The following PHIP variants were observed in gnomAD, a reference collection of about 807,000 sequenced individuals.
The protein encoded by PHIP is PHIP subunit of CUL4-Ring ligase complex.
Under a neutral mutation model 236.8 loss-of-function variants are expected in PHIP, and 54 were observed. That is an observed-to-expected ratio of 0.23 (90% CI 0.18 to 0.29). The LOEUF (loss-of-function observed/expected upper bound fraction) is 0.29. Ranked by LOEUF, PHIP falls within the 10% of genes least tolerant of loss-of-function variation. The pLI, the probability that PHIP is intolerant of heterozygous loss-of-function variation, is 1.00. For synonymous variants in PHIP, 756 were observed against 718.9 expected (o/e 1.05, Z -0.83); for missense variants, 1,370 against 2,190.8 (o/e 0.63, Z 7.48).
At chr6:78,962,627 T>C (rs1766858259) in intron 30 of PHIP, among the ~76,000 whole-genome samples, 1 of 152,072 alleles carries the variant, frequency 6.6e-6, no homozygotes. Context: ...ATAATCAAGT[T>C]TTGTGGTCAC....
chr6:78,946,513 T>C (rs1773828760), intron 37 of PHIP, 198 bp downstream of exon 37: 2 of 1,388,302 alleles, frequency 1.4e-6, no homozygotes, highest in Middle Eastern at 2.7e-4. Context: ...TGTATAGATT[T>C]AGCAGTTTGA....
intron 31 of PHIP, among the ~76,000 whole-genome samples, chr6:78,960,518 G>A (rs1270200200): frequency 6.6e-6 from 1 of 151,638 alleles, no homozygotes; most frequent in East Asian, 1.9e-4. Context: ...AATGCTTTGA[G>A]GGTGGGATGG....
At chr6:78,968,958 G>A (rs1767338951) in intron 27 of PHIP, among the ~76,000 whole-genome samples, 1 of 152,160 alleles carries the variant, frequency 6.6e-6, no homozygotes. Flanking sequence ...GGCTTCTACT[G>A]AATATTATTT....
rs199510464 is a variant in PHIP at position 78,945,382 on chromosome 6, T to G, written c.4746A>C (p.Glu1582Asp). 1 of 1,613,720 alleles carries G rather than the reference T, an allele frequency of 6.2e-7. No homozygotes were observed. The highest frequency in any genetic ancestry group is 1.1e-5 in the South Asian group (1 of 91,072). ...ACTTCATTTTACGTTTGACTGGCTT[T>G]TCCTTTTCCATGTTTTCTTTTGCAG... ...NNSAKENMEK[E>D]KPVKRKMKSS... The change falls in exon 39 of 40, where the codon GAA becomes GAC. Residue 1582 changes from glutamate to aspartate, a missense_variant. Glu to Asp is a conservative substitution (Grantham distance 45). Coordinates refer to ENST00000275034, the MANE Select transcript of PHIP (RefSeq NM_017934.7).
intron 21 of PHIP, among the ~76,000 whole-genome samples, 167 bp from the exon 22 acceptor site, chr6:78,985,595 CT>C (rs1243233500): frequency 1.3e-5 from 2 of 152,124 alleles, no homozygotes; most frequent in Non-Finnish European, 2.9e-5. Flanking sequence ...AATCCCAACA[CT>C]TTGAGAGGTC....
chr6:78,987,607 G>A (rs1056200007), intron 21 of PHIP, among the ~76,000 whole-genome samples: 4 of 152,104 alleles, frequency 2.6e-5, no homozygotes, highest in Non-Finnish European at 5.9e-5. Context: ...AAGGTGATGG[G>A]AAAGGTTGAG....
intron 19 of PHIP, among the ~76,000 whole-genome samples, chr6:78,994,000 A>G (rs1454899750): frequency 1.3e-5 from 2 of 152,246 alleles, no homozygotes; most frequent in African/African-American, 2.4e-5. Flanking sequence ...GAGGAAAAGT[A>G]TCACTGTTAA....
intron 6 of PHIP, among the ~76,000 whole-genome samples, chr6:79,050,027 G>T (rs953303486): frequency 5.3e-5 from 8 of 152,054 alleles, no homozygotes; most frequent in Admixed American, 5.2e-4. Flanking sequence ...TTAAAGCCAG[G>T]CATCAAACCC....
chr6:78,987,764 C>T (rs1019628062), intron 21 of PHIP, among the ~76,000 whole-genome samples: 1 of 152,112 alleles, frequency 6.6e-6, no homozygotes, highest in African/African-American at 2.4e-5. Context: ...TTAAAAATTA[C>T]ACTGAGAAAG....
At chr6:79,063,859 T>C (rs1456145783) in intron 4 of PHIP, among the ~76,000 whole-genome samples, 1 of 152,124 alleles carries the variant, frequency 6.6e-6, no homozygotes, top group Admixed American at 6.5e-5. Flanking sequence ...AATGCTTGAC[T>C]CTCTACTTGC....
intron 6 of PHIP, among the ~76,000 whole-genome samples, chr6:79,048,729 C>G (rs951912272): frequency 2.6e-5 from 4 of 152,150 alleles, no homozygotes; most frequent in Non-Finnish European, 5.9e-5. Flanking sequence ...ATAATACCTA[C>G]TCCAGTGTAG....
intron 7 of PHIP, 121 bp from the exon 8 acceptor site, chr6:79,026,285 G>A (rs948966376): frequency 1.6e-5 from 12 of 736,596 alleles, no homozygotes; most frequent in Non-Finnish European, 2.3e-5. Context: ...ATACCAAAAA[G>A]TGTTAAATAC....
intron 30 of PHIP, among the ~76,000 whole-genome samples, chr6:78,962,013 G>A (rs955278534): frequency 1.3e-5 from 2 of 151,944 alleles, no homozygotes; most frequent in Non-Finnish European, 2.9e-5. Context: ...AATTCTAGGG[G>A]TATTGTTTTA....
In PHIP at chr6:78,965,769, A is replaced by C. The variant is rs1328676766; in HGVS notation, c.3318-5T>G. ...TCTGTATCTCCATTGTCCCAGCTTA[A>C]AGAAAGAAAAATCATTATATTAAAA... On this transcript the variant is annotated splice_region_variant and splice_polypyrimidine_tract_variant and intron_variant, in intron 28 of 39. Coordinates refer to ENST00000275034, the MANE Select transcript of PHIP (RefSeq NM_017934.7). 4.7e-6 allele frequency: 7 copies of C among 1,502,604 alleles called. No homozygotes were observed. Among genetic ancestry groups the C allele is most frequent in the Non-Finnish European group, 6.4e-6 (7 of 1,089,018 alleles). 93.1% of individuals were successfully genotyped at this position (1,502,604 alleles called of 1,614,324 possible).
rs1053989500 is a variant in PHIP, at chr6:78,939,539, A to T, written c.*1154T>A. ...TTTTTATTCTACTGCTATCTAAAAA[A>T]TCCTGAAAAAAGAATTTATACCTGG... is the stretch of plus-strand genomic sequence containing the variant. On this transcript the variant is annotated 3_prime_UTR_variant, in exon 40 of 40. Coordinates refer to ENST00000275034, the MANE Select transcript of PHIP (RefSeq NM_017934.7). The T allele has an allele frequency of 6.6e-6, 1 of 151,938 alleles. No homozygotes were observed. The highest frequency in any genetic ancestry group is 2.4e-5 in the African/African-American group (1 of 41,448). The allele number at this position is 151,938 out of a possible 1,614,324, so 9.4% of individuals were successfully genotyped here.
intron 9 of PHIP, among the ~76,000 whole-genome samples, chr6:79,023,492 T>C (rs1435583784): frequency 1.3e-5 from 2 of 152,102 alleles, no homozygotes; most frequent in Non-Finnish European, 1.5e-5. Flanking sequence ...ATATTACTTA[T>C]AAATACCTAG....
intron 7 of PHIP, among the ~76,000 whole-genome samples, chr6:79,032,663 A>G (rs1771730800): frequency 6.6e-6 from 1 of 151,964 alleles, no homozygotes. Context: ...CCTCCACTGA[A>G]GTCTTGAACC....
intron 27 of PHIP, among the ~76,000 whole-genome samples, chr6:78,967,504 A>T (rs1562132643): frequency 6.6e-6 from 1 of 152,218 alleles, no homozygotes; most frequent in Non-Finnish European, 1.5e-5. Flanking sequence ...ACTGAAGTCC[A>T]CCATTGAGAG....
chr6:79,051,853 A>T (rs1287774497), intron 6 of PHIP, among the ~76,000 whole-genome samples: 2 of 152,204 alleles, frequency 1.3e-5, no homozygotes, highest in African/African-American at 2.4e-5. Context: ...TAAATATTTT[A>T]AAATGTTTAC....
Sources: allele counts gnomAD v4.1 joint callset (sites outside exome capture counted in the v4.1 genomes callset), GRCh38; gene constraint gnomAD v4.1.1; transcripts MANE v1.5; gene names NCBI Gene and HGNC (gene_info 2026-07-23, HGNC 2026-07-21).